RTEL1: variants seen among roughly 807,000 people sequenced by gnomAD.
RTEL1 encodes the protein regulator of telomere elongation helicase 1, also known as regulator of telomere length.
A neutral mutation model predicts 162.2 loss-of-function variants in RTEL1; 86 were observed. That is an observed-to-expected ratio of 0.53 (90% CI 0.45 to 0.63). RTEL1 has a LOEUF of 0.63. Among genes scored for constraint, RTEL1 ranks in the 30% least tolerant of loss-of-function variants. The pLI is 0.00. For missense variants in RTEL1, 1,941 were observed against 1,750.2 expected (o/e 1.11, Z -1.95); for synonymous variants, 958 against 717.9 (o/e 1.33, Z -5.35).
In RTEL1 at chr20:63,666,021, G is replaced by A; in HGVS notation, c.556G>A (p.Glu186Lys). Residue 186 changes from glutamate (E) to lysine (K), a missense_variant, in exon 7 of 35, where the codon GAG (glutamate) becomes AAG (lysine). Coordinates refer to ENST00000360203, the MANE Select transcript of RTEL1 (RefSeq NM_001283009.2). ...ACCTGCAGAAAAAAGCCTGGAGCAGGAGCTGGCCAGCCCCATCCTGGACAT... is the reference window on the plus strand; with the variant it reads ...ACCTGCAGAAAAAAGCCTGGAGCAGAAGCTGGCCAGCCCCATCCTGGACAT... ...NNVEEKSLEQ[E>K]LASPILDIED... 1 of 1,614,106 alleles carries A rather than the reference G, an allele frequency of 6.2e-7. No homozygotes were observed. The highest frequency in any genetic ancestry group is 8.5e-7 in the Non-Finnish European group (1 of 1,179,994).
Position 63,695,500 on chromosome 20 carries a change from C to G in RTEL1, c.3672C>G (p.Asp1224Glu), listed in dbSNP as rs779295227. The change falls in exon 34 of 35, where the codon GAC becomes GAG. Residue 1224 changes from aspartate to glutamate, a missense_variant. Asp to Glu is a conservative substitution (Grantham distance 45, BLOSUM62 2). Transcript: ENST00000360203. ...AGTGGGGTGAGCCTCATGGGAGAGA[C>G]ATCGCTGGGCAGCAGGCCACGGGAG... ...ASEWGEPHGR[D>E]IAGQQATGAP... 1 of 1,610,876 alleles carries G rather than the reference C, an allele frequency of 6.2e-7. No individual in the cohort carries two copies. The highest frequency in any genetic ancestry group is 1.1e-5 in the South Asian group (1 of 90,810).
rs759192968 is a variant in RTEL1, at chr20:63,694,393, A to T, written c.3014A>T (p.Lys1005Met). The change falls in exon 31 of 35, where the codon AAG (lysine) becomes ATG (methionine). Residue 1005 changes from lysine to methionine, a missense_variant. Transcript: ENST00000360203. ...TCAGGAAGAACGGCGCCGGATCCCA[A>T]GCTGACCGTGTCCACGGCTGCAGCC... ...DPTGRTAPDP[K>M]LTVSTAAAQQ... The T allele has an allele frequency of 1.2e-6, 2 of 1,612,274 alleles. No homozygotes were observed. The highest frequency in any genetic ancestry group is 4.5e-5 in the East Asian group (2 of 44,852).
Position 63,694,364 on chromosome 20 carries a change from T to C in RTEL1, c.2993-8T>C, listed in dbSNP as rs1198061000. ...GACCAGCTTTGTGGCTCTACATCTC[T>C]TCATCAGGAAGAACGGCGCCGGATC... is the stretch of plus-strand genomic sequence containing the variant. On this transcript the variant is annotated splice_polypyrimidine_tract_variant and splice_region_variant and intron_variant, in intron 30 of 34. Coordinates refer to ENST00000360203, the MANE Select transcript of RTEL1 (RefSeq NM_001283009.2). 5 of 1,509,976 alleles carry C rather than the reference T, an allele frequency of 3.3e-6. No individual in the cohort carries two copies. Among genetic ancestry groups the C allele is most frequent in the Non-Finnish European group, 4.5e-6 (5 of 1,113,864 alleles). The allele number at this position is 1,509,976 out of a possible 1,614,324, so 93.5% of individuals were successfully genotyped here. A position where few individuals can be genotyped will look rare whatever the true frequency, so the allele number is the denominator to read the frequency against.
Position 63,695,553 on chromosome 20 carries a change from G to C in RTEL1, c.3725G>C (p.Cys1242Ser). The C allele has an allele frequency of 6.2e-7, 1 of 1,612,382 alleles. No homozygotes were observed. The highest frequency in any genetic ancestry group is 8.5e-7 in the Non-Finnish European group (1 of 1,179,876). ...GAPGGPLSAG[C>S]VCQGCGAEDV... ...CCGGGCGGGCCCCTCTCAGCAGGCT[G>C]TGTGTGCCAGGGCTGTGGGGCAGAG... is the stretch of plus-strand genomic sequence containing the variant. Residue 1242 changes from cysteine (C) to serine (S), a missense_variant, in exon 34 of 35, where the codon TGT becomes TCT. Cys to Ser is a moderately radical substitution (Grantham distance 112). Transcript: ENST00000360203.
chr20:63,683,677 G>T (rs1480601481), intron 14 of RTEL1, among the ~76,000 whole-genome samples: 5 of 152,184 alleles, frequency 3.3e-5, no homozygotes, highest in African/African-American at 1.2e-4. Flanking sequence ...TCTGCGGCGG[G>T]GCTCTGACGG....
chr20:63,695,941 A>G lies in RTEL1; in HGVS notation c.*83A>G. Reference sequence around the variant, plus strand: ...CTGGTGGGCCAAGAACCCACCCAACAGAATAGGCCAGCCCATGCCAGCCGG... The same window carrying G: ...CTGGTGGGCCAAGAACCCACCCAACGGAATAGGCCAGCCCATGCCAGCCGG... On this transcript the variant is annotated 3_prime_UTR_variant, in exon 35 of 35. Transcript: ENST00000360203. 2 of 1,366,002 alleles carry G rather than the reference A, an allele frequency of 1.5e-6. No individual in the cohort carries two copies. The highest frequency in any genetic ancestry group is 2.6e-5 in the South Asian group (2 of 76,840). The allele number at this position is 1,366,002 out of a possible 1,614,324, so 84.6% of individuals were successfully genotyped here.
At chr20:63,684,247 C>T (rs1208081195) in intron 14 of RTEL1, among the ~76,000 whole-genome samples, 4 of 152,104 alleles carry the variant, frequency 2.6e-5, no homozygotes, top group East Asian at 1.9e-4. Context: ...GTGCGCTGAC[C>T]GAGCGGCTCG....
rs780700076 is a variant in RTEL1 at position 63,695,266 on chromosome 20, G to A, written c.3499+45G>A. The A allele has an allele frequency of 4.5e-5, 73 of 1,605,244 alleles. 1 individual carries two copies. The highest frequency in any genetic ancestry group is 5.0e-5 in the Admixed American group (3 of 59,682). On this transcript the variant is annotated intron_variant, in intron 33 of 34. Transcript: ENST00000360203. ...GCTCCTGGCAGCGCCCCAACCGCAC[G>A]CAGCCCTGGGAGTGAGCAGCAAAGC...
At chr20:63,690,520 G>T in intron 26 of RTEL1, 79 bp downstream of exon 26, 2 of 1,435,112 alleles carry the variant, frequency 1.4e-6, no homozygotes, top group Non-Finnish European at 1.8e-6. Context: ...CAGGCGCCCA[G>T]GGCGGAGGCG....
rs371603433 is a variant in RTEL1, at chr20:63,685,556, C to G, written c.1225C>G (p.Pro409Ala). The change falls in exon 15 of 35, where the codon CCT becomes GCT. Residue 409 changes from proline to alanine, a missense_variant. Physicochemically the swap from Pro to Ala is conservative, Grantham distance 27 (BLOSUM62 -1). Transcript: ENST00000360203. ...CAGTGTGGACCCCTCCGAGGGCAGC[C>G]CTGGTTCCCCAGCAGGGCTGGGGGC... ...VFSVDPSEGS[P>A]GSPAGLGALQ... 7 of 1,612,528 alleles carry G rather than the reference C, an allele frequency of 4.3e-6. No homozygotes were observed. The African/African-American group carries it at 9.3e-5, about 22-fold the overall frequency.
intron 14 of RTEL1, 71 bp from the exon 15 acceptor site, chr20:63,685,452 A>C (rs1439654849): frequency 1.4e-5 from 21 of 1,483,206 alleles, no homozygotes; most frequent in Non-Finnish European, 1.8e-5. Flanking sequence ...CCTTCTGTGT[A>C]TGCGGCTGAT....
intron 10 of RTEL1, among the ~76,000 whole-genome samples, 186 bp from the exon 11 acceptor site, chr20:63,677,959 G>A (rs1042894803): frequency 1.3e-5 from 2 of 149,836 alleles, no homozygotes; most frequent in African/African-American, 4.9e-5. Context: ...GGTGGATTTG[G>A]CCTGCACGGA....
chr20:63,674,890 A>G (rs1212328640), intron 10 of RTEL1, among the ~76,000 whole-genome samples: 5 of 151,290 alleles, frequency 3.3e-5, no homozygotes, highest in African/African-American at 9.7e-5. Context: ...GGATGTTGTC[A>G]GTTGGTCTAT....
intron 14 of RTEL1, among the ~76,000 whole-genome samples, chr20:63,683,121 A>G (rs2090511354): frequency 1.3e-5 from 2 of 151,998 alleles, no homozygotes; most frequent in Admixed American, 1.3e-4. Flanking sequence ...GCACCACCGC[A>G]CTCAGCTAAT....
In RTEL1 at chr20:63,675,064, C is replaced by T. The variant is rs1030556686; in HGVS notation, c.919+971C>T. Among the ~76,000 whole-genome samples the T allele has an allele frequency of 3.3e-5, 5 of 152,290 alleles. No individual in the cohort carries two copies. In the East Asian group the frequency reaches 5.8e-4, roughly 18 times the overall value. On this transcript the variant is annotated intron_variant, in intron 10 of 34. Coordinates refer to ENST00000360203, the MANE Select transcript of RTEL1 (RefSeq NM_001283009.2). Reference sequence around the variant, plus strand: ...CTGGGATCACAGGCGTGCACCACCACGCCCAGCTAATTTTGTATTTTTAGT... The same window carrying T: ...CTGGGATCACAGGCGTGCACCACCATGCCCAGCTAATTTTGTATTTTTAGT...
intron 14 of RTEL1, among the ~76,000 whole-genome samples, chr20:63,685,002 C>T (rs1262377345): frequency 6.6e-6 from 1 of 151,690 alleles, no homozygotes; most frequent in African/African-American, 2.4e-5. Context: ...CTCAACCTCC[C>T]AAGTAGCTGG....
intron 28 of RTEL1, chr20:63,692,307 G>A (rs1360303747): frequency 8.9e-6 from 2 of 225,128 alleles, no homozygotes; most frequent in East Asian, 2.4e-4. Context: ...CAGGAAGTGG[G>A]TGGCTGCTGA....
rs2090953166 is a variant in RTEL1 at position 63,695,399 on chromosome 20, G to A, written c.3571G>A (p.Gly1191Arg). The A allele has an allele frequency of 6.4e-7, 1 of 1,558,018 alleles. No individual in the cohort carries two copies. Reference sequence around the variant, plus strand: ...GTCCTTCCTTAGACAGAGGCCAGCAGGGACTGTGGGGGCGGGCGGTGAGGA... The same window carrying A: ...GTCCTTCCTTAGACAGAGGCCAGCAAGGACTGTGGGGGCGGGCGGTGAGGA... Reference protein sequence around the residue: ...ISSFLRQRPAGTVGAGGEDAG... With the variant: ...ISSFLRQRPARTVGAGGEDAG... The change falls in exon 34 of 35, where the codon GGG becomes AGG. Residue 1191 changes from glycine (G) to arginine (R), a missense_variant. Gly to Arg is a moderately radical substitution (Grantham distance 125). Transcript: ENST00000360203.
chr20:63,663,992 G>T (rs2090073168), intron 6 of RTEL1, among the ~76,000 whole-genome samples: 1 of 152,194 alleles, frequency 6.6e-6, no homozygotes, highest in Non-Finnish European at 1.5e-5. Flanking sequence ...CTTACTGGAG[G>T]CATGTGCTGT....
Sources: allele counts gnomAD v4.1 joint callset (sites outside exome capture counted in the v4.1 genomes callset), GRCh38; gene constraint gnomAD v4.1.1; transcripts MANE v1.5; gene names NCBI Gene and HGNC (gene_info 2026-07-23, HGNC 2026-07-21).